The following PLXNA4 variants were observed in gnomAD, a reference collection of about 807,000 sequenced individuals.
PLXNA4 encodes plexin A4, also known as plexin-A4.
In PLXNA4, 44 loss-of-function variants were observed where a neutral mutation model predicts 191.8. That is an observed-to-expected ratio of 0.23 (90% confidence interval 0.18 to 0.29). The LOEUF (loss-of-function observed/expected upper bound fraction) is 0.29, where lower values mean the gene tolerates loss of function less well. Ranked by LOEUF, PLXNA4 falls within the 10% of genes least tolerant of loss-of-function variation. The pLI is 1.00. For missense variants in PLXNA4, 1,800 were observed against 2,488.8 expected (o/e 0.72, Z 5.89); for synonymous variants, 1,082 against 1,009.5 (o/e 1.07, Z -1.36).
chr7:132,230,116 G>A (rs750605483), intron 5 of PLXNA4, among the ~76,000 whole-genome samples: 3 of 152,136 alleles, frequency 2.0e-5, no homozygotes, highest in Non-Finnish European at 1.5e-5. Context: ...TGGCTGCGAG[G>A]TACAAGTGCT....
At chr7:132,388,549 T>G (rs1805259869) in intron 3 of PLXNA4, among the ~76,000 whole-genome samples, 1 of 152,080 alleles carries the variant, frequency 6.6e-6, no homozygotes, top group Non-Finnish European at 1.5e-5. Flanking sequence ...AAAAAAAAGG[T>G]CTCCTTATTA....
chr7:132,487,384 T>C (rs1797604492), intron 3 of PLXNA4, among the ~76,000 whole-genome samples: 1 of 152,210 alleles, frequency 6.6e-6, no homozygotes, highest in Admixed American at 6.5e-5. Context: ...ACTTATTTAC[T>C]CTTAATGGTG....
intron 1 of PLXNA4, among the ~76,000 whole-genome samples, chr7:132,567,320 A>G (rs1191804655): frequency 1.8e-5 from 2 of 108,716 alleles, no homozygotes; most frequent in Non-Finnish European, 1.7e-5. Context: ...GCAATCTATC[A>G]GTGCCAAAAC....
intron 1 of PLXNA4, among the ~76,000 whole-genome samples, chr7:132,550,079 C>G (rs1800491851): frequency 6.6e-6 from 1 of 152,144 alleles, no homozygotes; most frequent in Non-Finnish European, 1.5e-5. Context: ...TCTGTGGGTT[C>G]TATAAGGCTA....
chr7:132,381,083 C>T (rs1804875372), intron 3 of PLXNA4, among the ~76,000 whole-genome samples: 1 of 152,188 alleles, frequency 6.6e-6, no homozygotes, highest in Non-Finnish European at 1.5e-5. Flanking sequence ...AGTTTCAATA[C>T]AAGATTATGG....
In PLXNA4 at chr7:132,125,962, AT is replaced by A. The variant is rs1794758160; in HGVS notation, c.*4516del. On this transcript the variant is annotated 3_prime_UTR_variant, in exon 32 of 32. Coordinates refer to ENST00000321063, the MANE Select transcript of PLXNA4 (RefSeq NM_020911.2). ...GTGCCTGCAGAGCACCTTCCTACCTATGTCTGTCTGTCTTTCCCTCACTGCT... is the reference window on the plus strand; with the variant it reads ...GTGCCTGCAGAGCACCTTCCTACCTAGTCTGTCTGTCTTTCCCTCACTGCT... The A allele has an allele frequency of 6.6e-6, 1 of 152,160 alleles. No individual in the cohort carries two copies. Among genetic ancestry groups the A allele is most frequent in the Non-Finnish European group, 1.5e-5 (1 of 68,150 alleles). 9.4% of individuals were successfully genotyped at this position (152,160 alleles called of 1,614,324 possible). A position where few individuals can be genotyped will look rare whatever the true frequency, so the allele number is the denominator to read the frequency against.
chr7:132,464,149 T>C (rs1181102782), intron 3 of PLXNA4, among the ~76,000 whole-genome samples: 2 of 152,158 alleles, frequency 1.3e-5, no homozygotes, highest in African/African-American at 2.4e-5. Flanking sequence ...AGGATAAAAA[T>C]AGCAATACAC....
At chr7:132,415,528 C>T (rs561568167) in intron 3 of PLXNA4, among the ~76,000 whole-genome samples, 73 of 152,160 alleles carry the variant, frequency 4.8e-4, no homozygotes, top group African/African-American at 1.5e-3. Context: ...CCCTGGGAGA[C>T]GGTATTGTCT....
intron 9 of PLXNA4, among the ~76,000 whole-genome samples, chr7:132,216,470 T>A (rs1372968709): frequency 6.6e-6 from 1 of 152,154 alleles, no homozygotes; most frequent in Non-Finnish European, 1.5e-5. Context: ...AGGGACATGT[T>A]TTAATATTTT....
chr7:132,206,952 G>C (rs768414958), intron 10 of PLXNA4, among the ~76,000 whole-genome samples: 4 of 152,152 alleles, frequency 2.6e-5, no homozygotes, highest in Non-Finnish European at 5.9e-5. Flanking sequence ...CACACCATGC[G>C]GGGCTAATGG....
intron 3 of PLXNA4, among the ~76,000 whole-genome samples, chr7:132,480,886 C>T (rs1797307507): frequency 6.6e-6 from 1 of 152,158 alleles, no homozygotes; most frequent in Admixed American, 6.5e-5. Context: ...GGAGCCTCTT[C>T]CTTGGTATTT....
intron 3 of PLXNA4, among the ~76,000 whole-genome samples, chr7:132,370,026 C>T (rs1804365752): frequency 6.6e-6 from 1 of 150,614 alleles, no homozygotes; most frequent in Non-Finnish European, 1.5e-5. Context: ...CAAGATCGCA[C>T]CACTGCACTC....
At chr7:132,514,986 A>G (rs1473938629) in intron 1 of PLXNA4, among the ~76,000 whole-genome samples, 1 of 152,212 alleles carries the variant, frequency 6.6e-6, no homozygotes, top group Non-Finnish European at 1.5e-5. Flanking sequence ...TTCTGCTGGA[A>G]TTGACTCCAC....
At chr7:132,644,580 A>G (rs1803829579) in intron 2 of PLXNA4, among the ~76,000 whole-genome samples, 1 of 152,160 alleles carries the variant, frequency 6.6e-6, no homozygotes, top group Admixed American at 6.6e-5. Flanking sequence ...TCAGGGGAGA[A>G]CATTACTTTA....
chr7:132,394,180 C>T (rs921412343), intron 3 of PLXNA4, among the ~76,000 whole-genome samples: 1 of 152,072 alleles, frequency 6.6e-6, no homozygotes, highest in Non-Finnish European at 1.5e-5. Flanking sequence ...GCATACAGCC[C>T]CTGGGCCGGG....
intron 3 of PLXNA4, among the ~76,000 whole-genome samples, chr7:132,309,292 C>T (rs1366459367): frequency 1.3e-5 from 2 of 152,112 alleles, no homozygotes; most frequent in Non-Finnish European, 2.9e-5. Context: ...CTGAGAGATG[C>T]GGCATCTCTG....
intron 3 of PLXNA4, among the ~76,000 whole-genome samples, chr7:132,381,776 G>T (rs1273790940): frequency 6.6e-6 from 1 of 152,204 alleles, no homozygotes; most frequent in Non-Finnish European, 1.5e-5. Context: ...CAGGGCTGAG[G>T]CTTTAATGGA....
Position 132,417,799 on chromosome 7 carries a change from G to C in PLXNA4, c.1371+71493C>G, listed in dbSNP as rs193029076. ...ATCTGTTACTCTGGTTTCTGCCTGG[G>C]CTGCTGTTATTTCATCCCAGGAAAG... is the stretch of plus-strand genomic sequence containing the variant. On this transcript the variant is annotated intron_variant, in intron 3 of 31. Transcript: ENST00000321063. Among the ~76,000 whole-genome samples the C allele has an allele frequency of 4.8e-3, 733 of 152,062 alleles. 1 individual carries two copies. Among genetic ancestry groups the C allele is most frequent in the Admixed American group, 9.4e-3 (144 of 15,260 alleles).
At chr7:132,477,218 T>C (rs1797165228) in intron 3 of PLXNA4, among the ~76,000 whole-genome samples, 1 of 152,116 alleles carries the variant, frequency 6.6e-6, no homozygotes, top group Non-Finnish European at 1.5e-5. Flanking sequence ...ATCCACAAAA[T>C]ATTCATTGCC....
Sources: gnomAD v4.1 joint callset for allele counts (sites outside exome capture counted in the v4.1 genomes callset) on GRCh38, gnomAD v4.1.1 for gene constraint, MANE v1.5 for transcripts, NCBI Gene and HGNC (gene_info 2026-07-23, HGNC 2026-07-21) for gene names.